Variants in EIF3H observed in about 807,000 individuals in gnomAD.
The protein encoded by EIF3H is eIF-3-gamma.
In EIF3H, 26 loss-of-function variants were observed where a neutral mutation model predicts 44.2. The observed-to-expected ratio is 0.59, with a 90% confidence interval of 0.43 to 0.82. The LOEUF is 0.82. Ranked by LOEUF, EIF3H falls within the 40% of genes least tolerant of loss-of-function variation. The pLI is 0.00. For synonymous variants in EIF3H, 166 were observed against 151.9 expected, an observed-to-expected ratio of 1.09 and a Z score of -0.68; for missense variants, 359 against 432.8, an observed-to-expected ratio of 0.83 and a Z score of 1.51.
At chr8:116,703,238 G>A (rs1386174064) in intron 2 of EIF3H, among the ~76,000 whole-genome samples, 7 of 152,184 alleles carry the variant, frequency 4.6e-5, no homozygotes, top group Non-Finnish European at 1.0e-4. Context: ...AGAGATAGGA[G>A]CTGAAGGGAC....
At chr8:116,695,031 T>C (rs1487391258) in intron 2 of EIF3H, among the ~76,000 whole-genome samples, 6 of 150,792 alleles carry the variant, frequency 4.0e-5, no homozygotes, top group Admixed American at 4.0e-4. Flanking sequence ...AACAAAATGA[T>C]GTAGTGCAAA....
intron 5 of EIF3H, among the ~76,000 whole-genome samples, chr8:116,652,493 G>A (rs1220144750): frequency 6.6e-6 from 1 of 152,184 alleles, no homozygotes; most frequent in East Asian, 1.9e-4. Context: ...GAGATGGGGG[G>A]ATGTAAACAA....
At chr8:116,672,226 T>C (rs992554714) in intron 2 of EIF3H, among the ~76,000 whole-genome samples, 6 of 152,234 alleles carry the variant, frequency 3.9e-5, no homozygotes, top group Non-Finnish European at 7.3e-5. Context: ...ATCTCTACTG[T>C]GTGTTCAAAA....
Position 116,703,446 on chromosome 8 carries a change from AGGCC to A in EIF3H, c.289+22566_289+22569del, listed in dbSNP as rs1437267526. Among the ~76,000 whole-genome samples, 12 of 152,272 alleles carry A rather than the reference AGGCC, an allele frequency of 7.9e-5. No homozygotes were observed. In the South Asian group the frequency reaches 1.7e-3, roughly 21 times the overall value. On this transcript the variant is annotated intron_variant, in intron 2 of 7. Transcript: ENST00000521861. ...GTCAGGCCTGCCCGCAGCCATCCGG[AGGCC>A]TGACCATCTCCCTGTGATGCTGTGC...
chr8:116,746,174 C>T (rs575963300), intron 1 of EIF3H, among the ~76,000 whole-genome samples: 4 of 152,094 alleles, frequency 2.6e-5, no homozygotes, highest in Non-Finnish European at 5.9e-5. Flanking sequence ...GATTATCAAA[C>T]GTAAAGATTC....
intron 1 of EIF3H, chr8:116,734,169 G>A (rs1814995048): frequency 2.4e-6 from 1 of 422,384 alleles, no homozygotes; most frequent in Non-Finnish European, 4.7e-6. Context: ...CACACTTTAG[G>A]AGCCACTATT....
intron 2 of EIF3H, among the ~76,000 whole-genome samples, chr8:116,724,853 A>G (rs565735199): frequency 5.7e-4 from 87 of 152,364 alleles, no homozygotes; most frequent in African/African-American, 1.9e-3. Flanking sequence ...AAAATGGTGC[A>G]GCTGCTATTA....
chr8:116,759,281 G>C (rs1006592205), upstream of EIF3H, among the ~76,000 whole-genome samples: 1 of 152,224 alleles, frequency 6.6e-6, no homozygotes, highest in African/African-American at 2.4e-5. Flanking sequence ...AGAGGCTGAT[G>C]AGGGCCTTCC....
chr8:116,763,083 C>T (rs1586501980), intron 1 of EIF3H, among the ~76,000 whole-genome samples: 1 of 152,150 alleles, frequency 6.6e-6, no homozygotes, highest in Admixed American at 6.5e-5. Flanking sequence ...TGTGTCATAT[C>T]TATTATGTTA....
At chr8:116,664,371 A>C (rs1813633271) in intron 2 of EIF3H, among the ~76,000 whole-genome samples, 1 of 152,322 alleles carries the variant, frequency 6.6e-6, no homozygotes, top group South Asian at 2.1e-4. Context: ...TTTAAATGTT[A>C]TATATATCTG....
chr8:116,689,062 T>G (rs929199592), intron 2 of EIF3H: 1 of 439,580 alleles, frequency 2.3e-6, no homozygotes, highest in Admixed American at 2.5e-5. Flanking sequence ...AAAAACGTAT[T>G]ACTTACATAC....
intron 1 of EIF3H, among the ~76,000 whole-genome samples, chr8:116,729,709 G>C (rs1415278853): frequency 6.6e-6 from 1 of 152,152 alleles, no homozygotes; most frequent in African/African-American, 2.4e-5. Flanking sequence ...AATTACAAGA[G>C]AGAAAGCTTA....
chr8:116,738,661 C>A (rs1388714625), intron 1 of EIF3H, among the ~76,000 whole-genome samples: 1 of 152,182 alleles, frequency 6.6e-6, no homozygotes, highest in African/African-American at 2.4e-5. Flanking sequence ...ATCTTTGTAA[C>A]AGACACAATA....
At chr8:116,649,628 A>T (rs199672791) in intron 5 of EIF3H, among the ~76,000 whole-genome samples, 12 of 152,206 alleles carry the variant, frequency 7.9e-5, no homozygotes, top group Non-Finnish European at 1.8e-4. Context: ...ATATATTTTT[A>T]AAATAGCAAG....
chr8:116,699,350 A>T (rs1337334047), intron 2 of EIF3H, among the ~76,000 whole-genome samples: 6 of 152,134 alleles, frequency 3.9e-5, no homozygotes, highest in Admixed American at 3.9e-4. Flanking sequence ...TAGACATTTG[A>T]CTCTAAATTC....
chr8:116,688,924 T>C (rs189000367), intron 2 of EIF3H: 1 of 256,734 alleles, frequency 3.9e-6, no homozygotes, highest in East Asian at 1.2e-4. Context: ...TATGTAGAGT[T>C]ACCATATGAC....
At chr8:116,694,158 T>C (rs1814226103) in intron 2 of EIF3H, among the ~76,000 whole-genome samples, 1 of 150,398 alleles carries the variant, frequency 6.6e-6, no homozygotes, top group African/African-American at 2.5e-5. Flanking sequence ...TTTTTTTTTT[T>C]ACATTGCCAA....
chr8:116,733,790 C>T (rs1165537230), intron 1 of EIF3H, among the ~76,000 whole-genome samples: 1 of 151,980 alleles, frequency 6.6e-6, no homozygotes, highest in African/African-American at 2.4e-5. Flanking sequence ...AAATGCATTA[C>T]ATGCTAATAT....
At chr8:116,757,383 C>T (rs768333128), upstream of EIF3H, among the ~76,000 whole-genome samples, 6 of 152,166 alleles carry the variant, frequency 3.9e-5, no homozygotes, top group East Asian at 1.9e-4. Context: ...TCCGTCACTT[C>T]GGTTCCTAAT....
Sources: gnomAD v4.1 joint callset for allele counts (sites outside exome capture counted in the v4.1 genomes callset) on GRCh38, gnomAD v4.1.1 for gene constraint, MANE v1.5 for transcripts, NCBI Gene and HGNC (gene_info 2026-07-23, HGNC 2026-07-21) for gene names.